The following PALM2AKAP2 variants were observed in gnomAD, a reference collection of about 807,000 sequenced individuals.
PALM2AKAP2 encodes PALM2-AKAP2 fusion protein.
Under a neutral mutation model 71.5 loss-of-function variants are expected in PALM2AKAP2, and 37 were observed. The ratio of observed to expected loss-of-function variants is 0.52; its 90% CI spans 0.40 to 0.68. PALM2AKAP2 has a LOEUF of 0.68. Among genes scored for constraint, PALM2AKAP2 ranks in the 30% least tolerant of loss-of-function variants. The probability of loss-of-function intolerance (pLI) is 0.00; values close to 1 mark genes in which losing one functional copy is unlikely to be tolerated. For missense variants in PALM2AKAP2, 1,224 were observed against 1,191.8 expected (o/e 1.03, Z -0.40); for synonymous variants, 468 against 478.8 (o/e 0.98, Z 0.29).
chr9:110,068,810 G>C (rs771579739), intron 1 of PALM2AKAP2, among the ~76,000 whole-genome samples: 4 of 152,176 alleles, frequency 2.6e-5, no homozygotes, highest in Non-Finnish European at 5.9e-5. Flanking sequence ...TGGGATTATA[G>C]GCATGAGCTG....
chr9:109,807,502 GA>G (rs2131424666), intron 1 of PALM2AKAP2, among the ~76,000 whole-genome samples: 1 of 151,800 alleles, frequency 6.6e-6, no homozygotes, highest in South Asian at 2.1e-4. Context: ...TTCATAGATG[GA>G]ACCTTCTATA....
At chr9:109,822,909 G>A (rs1828048746) in intron 1 of PALM2AKAP2, among the ~76,000 whole-genome samples, 1 of 152,166 alleles carries the variant, frequency 6.6e-6, no homozygotes, top group Non-Finnish European at 1.5e-5. Flanking sequence ...GGGTCGAATG[G>A]TAGCTCTGTT....
At chr9:109,931,848 A>G (rs1658070980) in intron 5 of PALM2AKAP2, 79 bp from the exon 6 acceptor site, 1 of 1,505,938 alleles carries the variant, frequency 6.6e-7, no homozygotes, top group Non-Finnish European at 9.1e-7. Flanking sequence ...TGTAGGGCAG[A>G]CAAGCTGCTG....
chr9:110,118,635 C>A (rs1020686548), intron 1 of PALM2AKAP2, among the ~76,000 whole-genome samples: 14 of 152,148 alleles, frequency 9.2e-5, no homozygotes, highest in Admixed American at 3.9e-4. Flanking sequence ...GCTTTCCCAC[C>A]TGTCTCTCTG....
intron 1 of PALM2AKAP2, among the ~76,000 whole-genome samples, chr9:110,072,741 G>T (rs752985226): frequency 6.6e-6 from 1 of 152,090 alleles, no homozygotes; most frequent in Non-Finnish European, 1.5e-5. Context: ...AAATGCAGCC[G>T]CATGCCCACA....
chr9:109,876,779 C>T (rs765499462), intron 2 of PALM2AKAP2, among the ~76,000 whole-genome samples: 18 of 152,192 alleles, frequency 1.2e-4, no homozygotes, highest in Non-Finnish European at 2.4e-4. Flanking sequence ...CACACCCAGC[C>T]CCACTACTGC....
At chr9:110,013,249 C>T (rs960024670) in intron 6 of PALM2AKAP2, among the ~76,000 whole-genome samples, 3 of 152,192 alleles carry the variant, frequency 2.0e-5, no homozygotes, top group African/African-American at 7.2e-5. Flanking sequence ...TCTAACATCC[C>T]TTTGGCCAAA....
At chr9:110,114,083 G>A (rs80208599) in intron 1 of PALM2AKAP2, among the ~76,000 whole-genome samples, 2,558 of 152,294 alleles carry the variant, frequency 0.017, 37 homozygotes, top group Non-Finnish European at 0.028. Flanking sequence ...CACAAATTAC[G>A]TGGTTGAAAA....
At position 109,984,299 on chromosome 9, in the gene PALM2AKAP2, A is replaced by T. The variant is rs1019979136; in HGVS notation, c.497-31655A>T. On this transcript the variant is annotated intron_variant, in intron 6 of 9. Coordinates refer to the PALM2AKAP2 transcript ENST00000302798. Reference sequence around the variant, plus strand: ...ATTGCAGATCAAATATTTTATTTCCATAGAAAACTGACCTTCTAAAGATGA... The same window carrying T: ...ATTGCAGATCAAATATTTTATTTCCTTAGAAAACTGACCTTCTAAAGATGA... Among the ~76,000 whole-genome samples the T allele has an allele frequency of 2.0e-5, 3 of 152,154 alleles. 1 individual carries two copies. Among genetic ancestry groups the T allele is most frequent in the South Asian group, 4.1e-4 (2 of 4,832 alleles).
rs1564236957 is a variant in PALM2AKAP2 at position 109,965,524 on chromosome 9, T to C, written c.496+33496T>C. 3.3e-5 allele frequency among the ~76,000 whole-genome samples: 5 copies of C among 152,282 alleles called. No homozygotes were observed. In the South Asian group the frequency reaches 1.0e-3, roughly 32 times the overall value. ...TGTATTATTCCACTTACATGAGATA[T>C]CTAGACTAGTCAAATTCGTAGTGAC... On this transcript the variant is annotated intron_variant, in intron 6 of 9. Transcript: ENST00000302798.
At chr9:109,730,972 A>C (rs1828549313) in intron 1 of PALM2AKAP2, among the ~76,000 whole-genome samples, 1 of 152,134 alleles carries the variant, frequency 6.6e-6, no homozygotes, top group Non-Finnish European at 1.5e-5. Flanking sequence ...ATATTTAGAT[A>C]ACTATTCCTG....
intron 1 of PALM2AKAP2, among the ~76,000 whole-genome samples, chr9:110,080,032 T>C (rs1034266202): frequency 1.5e-5 from 2 of 131,882 alleles, no homozygotes; most frequent in African/African-American, 6.0e-5. Context: ...ATTGCGCCAT[T>C]GCACTTCAGC....
intron 1 of PALM2AKAP2, among the ~76,000 whole-genome samples, chr9:109,742,421 G>A (rs1828729986): frequency 6.6e-6 from 1 of 152,170 alleles, no homozygotes; most frequent in Non-Finnish European, 1.5e-5. Context: ...TGAGCCTTAT[G>A]TATGAGCAGC....
chr9:110,158,534 CTT>C (rs1326223920), intron 3 of PALM2AKAP2, among the ~76,000 whole-genome samples: 1 of 152,162 alleles, frequency 6.6e-6, no homozygotes, highest in African/African-American at 2.4e-5. Flanking sequence ...GCTGGAAGCT[CTT>C]TTGTGCACAC....
chr9:109,774,512 CTG>C (rs1192194272), intron 1 of PALM2AKAP2, among the ~76,000 whole-genome samples: 2 of 152,068 alleles, frequency 1.3e-5, no homozygotes, highest in African/African-American at 4.8e-5. Context: ...AAAGATAAGA[CTG>C]TAGATGTCTA....
intron 2 of PALM2AKAP2, among the ~76,000 whole-genome samples, chr9:109,879,102 G>A (rs904466097): frequency 2.6e-5 from 4 of 152,174 alleles, no homozygotes; most frequent in African/African-American, 9.7e-5. Flanking sequence ...GCATACAAAT[G>A]AGAGTCTATG....
intron 1 of PALM2AKAP2, among the ~76,000 whole-genome samples, chr9:109,667,792 C>T (rs1186312542): frequency 6.6e-6 from 1 of 152,064 alleles, no homozygotes; most frequent in Non-Finnish European, 1.5e-5. Flanking sequence ...GACCCTGTCT[C>T]ACACAAATAG....
chr9:109,879,723 G>T (rs1316799359), intron 2 of PALM2AKAP2, among the ~76,000 whole-genome samples: 3 of 147,174 alleles, frequency 2.0e-5, no homozygotes, highest in Non-Finnish European at 3.0e-5. Context: ...TTTTGACAGG[G>T]TCTCGTTCTA....
rs181928292 is a variant in PALM2AKAP2 at position 109,890,434 on chromosome 9, G to A, written c.257+9753G>A. Among the ~76,000 whole-genome samples the A allele has an allele frequency of 5.2e-4, 79 of 152,286 alleles. 1 individual carries two copies. The highest frequency in any genetic ancestry group is 3.4e-3 in the Middle Eastern group (1 of 294). ...GAGCCCTCCAGGACAGCGAACGGGT[G>A]ATAAAATATACAAACTGTCTCTGAT... On this transcript the variant is annotated intron_variant, in intron 3 of 9. Coordinates refer to the PALM2AKAP2 transcript ENST00000302798.
Sources: gnomAD v4.1 joint callset for allele counts (sites outside exome capture counted in the v4.1 genomes callset) on GRCh38, gnomAD v4.1.1 for gene constraint, MANE v1.5 for transcripts, NCBI Gene and HGNC (gene_info 2026-07-23, HGNC 2026-07-21) for gene names.